SPRING1: variants seen among roughly 807,000 people sequenced by gnomAD.
SPRING1 encodes SREBF pathway regulator in golgi 1, also known as SREBP regulating gene protein.
In SPRING1, 14 loss-of-function variants were observed where a neutral mutation model predicts 24.7. That is an observed-to-expected ratio of 0.57 (90% CI 0.37 to 0.88). The LOEUF (loss-of-function observed/expected upper bound fraction) is 0.88. Ranked by LOEUF, SPRING1 falls within the 40% of genes least tolerant of loss-of-function variation. The pLI, the probability that SPRING1 is intolerant of heterozygous loss-of-function variation, is 0.00. For synonymous variants in SPRING1, 93 were observed against 106.1 expected, an observed-to-expected ratio of 0.88 and a Z score of 0.76; for missense variants, 255 against 268.4, an observed-to-expected ratio of 0.95 and a Z score of 0.35.
At chr12:116,731,166 C>T (rs1265907992) in intron 1 of SPRING1, among the ~76,000 whole-genome samples, 1 of 152,164 alleles carries the variant, frequency 6.6e-6, no homozygotes, top group African/African-American at 2.4e-5. Context: ...CTGCTTTATT[C>T]TTAAGTGAAA....
rs1870805781 is a variant in SPRING1, at chr12:116,728,402, G to A, written c.112-5179C>T. Among the ~76,000 whole-genome samples the A allele has an allele frequency of 1.3e-5, 2 of 152,076 alleles. No homozygotes were observed. Among genetic ancestry groups the A allele is most frequent in the African/African-American group, 4.8e-5 (2 of 41,408 alleles). ...GCCTGGCACACAGTTGGTGTTATTT[G>A]TTAAATAAATGCACCCAAGAAACCT... is the stretch of plus-strand genomic sequence containing the variant. On this transcript the variant is annotated intron_variant, in intron 1 of 4. Transcript: ENST00000261318. This position sits in a 1 kb window ranked among gnomAD's most constrained non-coding sequence, Gnocchi z 4.2.
At chr12:116,718,662 A>G (rs1446891793) in intron 4 of SPRING1, among the ~76,000 whole-genome samples, 4 of 152,258 alleles carry the variant, frequency 2.6e-5, no homozygotes, top group African/African-American at 9.6e-5. Context: ...CCTAAAGTAT[A>G]GTAGCTTCAC....
chr12:116,731,106 G>A (rs889196652), intron 1 of SPRING1, among the ~76,000 whole-genome samples: 19 of 152,198 alleles, frequency 1.2e-4, no homozygotes, highest in Non-Finnish European at 2.5e-4. Flanking sequence ...TCATTCTACA[G>A]GAAAGATATG....
In SPRING1 at chr12:116,713,418, G is replaced by C. The variant is rs1344935685; in HGVS notation, c.*4392C>G. On this transcript the variant is annotated 3_prime_UTR_variant, in exon 5 of 5. Coordinates refer to ENST00000261318, the MANE Select transcript of SPRING1 (RefSeq NM_024738.4). ...TTTCACCATATGTACATGATAAATG[G>C]CCAATCAAAATAAGGAATGGGGCTC... 1 of 152,174 alleles carries C rather than the reference G, an allele frequency of 6.6e-6. No individual in the cohort carries two copies. Among genetic ancestry groups the C allele is most frequent in the Admixed American group, 6.5e-5 (1 of 15,276 alleles). 9.4% of individuals were successfully genotyped at this position (152,174 alleles called of 1,614,324 possible). A position where few individuals can be genotyped will look rare whatever the true frequency, so the allele number is the denominator to read the frequency against.
In SPRING1 at chr12:116,720,053, T is replaced by C. The variant is rs918805987; in HGVS notation, c.421-177A>G. On this transcript the variant is annotated intron_variant, in intron 3 of 4. Transcript: ENST00000261318. The surrounding 1 kb of genome is among the most constrained non-coding windows in gnomAD (Gnocchi z 4.0). ...CACGTGCATGCCAAAACACCCTGGGTATCTTATTCATTAGATATGTGATTA... is the reference window on the plus strand; with the variant it reads ...CACGTGCATGCCAAAACACCCTGGGCATCTTATTCATTAGATATGTGATTA... 49 of 715,608 alleles carry C rather than the reference T, an allele frequency of 6.8e-5. No individual in the cohort carries two copies. In the East Asian group the frequency reaches 1.3e-3, roughly 19 times the overall value. The allele number at this position is 715,608 out of a possible 1,614,324, so 44.3% of individuals were successfully genotyped here. A position where few individuals can be genotyped will look rare whatever the true frequency, so the allele number is the denominator to read the frequency against.
intron 1 of SPRING1, among the ~76,000 whole-genome samples, chr12:116,736,099 A>G (rs1353325192): frequency 3.2e-5 from 3 of 94,806 alleles, no homozygotes; most frequent in African/African-American, 9.9e-5. Context: ...TTTTACCACA[A>G]TAAAAAAAAA....
In SPRING1 at chr12:116,717,986, G is replaced by A. The variant is rs1313256745; in HGVS notation, c.535-93C>T. 1.9e-5 allele frequency: 20 copies of A among 1,075,628 alleles called. No homozygotes were observed. Among genetic ancestry groups the A allele is most frequent in the Non-Finnish European group, 3.9e-6 (3 of 774,118 alleles). The allele number at this position is 1,075,628 out of a possible 1,614,324, so 66.6% of individuals were successfully genotyped here. The stretch of plus-strand genomic sequence containing the variant: ...GAGTGAGAGTGGATCGGGACTGTCA[G>A]ACTCTCCCTGCAGGGGGCTGGCCGA... On this transcript the variant is annotated intron_variant, in intron 4 of 4. Transcript: ENST00000261318. This position sits in a 1 kb window ranked among gnomAD's most constrained non-coding sequence, Gnocchi z 4.2.
intron 2 of SPRING1, 144 bp downstream of exon 2, chr12:116,722,923 G>C (rs1870499367): frequency 5.6e-6 from 6 of 1,072,850 alleles, no homozygotes; most frequent in Non-Finnish European, 5.3e-6. Context: ...GTAGGGTATA[G>C]AAGACAAAAA....
At position 116,713,213 on chromosome 12, in the gene SPRING1, CCT is replaced by C. The variant is rs1236274154; in HGVS notation, c.*4595_*4596del. 6.6e-6 allele frequency: 1 copy of C among 152,190 alleles called. No individual in the cohort carries two copies. Among genetic ancestry groups the C allele is most frequent in the African/African-American group, 2.4e-5 (1 of 41,422 alleles). The allele number at this position is 152,190 out of a possible 1,614,324, so 9.4% of individuals were successfully genotyped here. ...ATGTTCCCTGGGGGGCAAAATTGCCCCTGTTGAGCACCACTGCCCTAGATGAA... is the reference window on the plus strand; with the variant it reads ...ATGTTCCCTGGGGGGCAAAATTGCCCGTTGAGCACCACTGCCCTAGATGAA... On this transcript the variant is annotated 3_prime_UTR_variant, in exon 5 of 5. Transcript: ENST00000261318.
intron 1 of SPRING1, 152 bp downstream of exon 1, chr12:116,737,638 A>C: frequency 1.2e-6 from 1 of 815,192 alleles, no homozygotes; most frequent in Non-Finnish European, 1.7e-6. Context: ...GGAGGAAGGA[A>C]GGGAAGGGGA....
rs747401512 is a variant in SPRING1 at position 116,723,237 on chromosome 12, A to G, written c.112-14T>C. Reference sequence around the variant, plus strand: ...TGCCCTCTCCTCCTGCAAAGAAACCATAAGTGAGAAGGTTAAGTATCCAGT... The same window carrying G: ...TGCCCTCTCCTCCTGCAAAGAAACCGTAAGTGAGAAGGTTAAGTATCCAGT... On this transcript the variant is annotated splice_polypyrimidine_tract_variant and intron_variant, in intron 1 of 4. Coordinates refer to ENST00000261318, the MANE Select transcript of SPRING1 (RefSeq NM_024738.4). The G allele has an allele frequency of 4.6e-5, 75 of 1,613,952 alleles. No individual in the cohort carries two copies. The Admixed American group carries it at 7.0e-4, about 15-fold the overall frequency.
At chr12:116,737,703 G>C in intron 1 of SPRING1, 87 bp downstream of exon 1, 1 of 1,347,198 alleles carries the variant, frequency 7.4e-7, no homozygotes, top group East Asian at 3.1e-5. Flanking sequence ...AAAGGAGGAA[G>C]GTAACGAAGG....
rs1398781803 is a variant in SPRING1 at position 116,723,048 on chromosome 12, G to C, written c.268+19C>G. On this transcript the variant is annotated intron_variant, in intron 2 of 4. Transcript: ENST00000261318. ...CCTACGCTCCTGACCGCCTGGAGAG[G>C]AAGGGAAGCCAGCCTCACCGAGTTC... The C allele has an allele frequency of 6.2e-7, 1 of 1,612,212 alleles. No individual in the cohort carries two copies. The highest frequency in any genetic ancestry group is 1.1e-5 in the South Asian group (1 of 90,992).
intron 1 of SPRING1, among the ~76,000 whole-genome samples, chr12:116,733,748 T>C (rs1036424807): frequency 6.6e-6 from 1 of 152,202 alleles, no homozygotes; most frequent in South Asian, 2.1e-4. Context: ...TGTGGACAGC[T>C]GACAGTAGTA....
In SPRING1 at chr12:116,720,599, G is replaced by T; in HGVS notation, c.269-152C>A. 1 of 1,052,702 alleles carries T rather than the reference G, an allele frequency of 9.5e-7. No homozygotes were observed. The highest frequency in any genetic ancestry group is 1.4e-6 in the Non-Finnish European group (1 of 722,890). The allele number at this position is 1,052,702 out of a possible 1,614,324, so 65.2% of individuals were successfully genotyped here. ...CGGAGAGCTGGAAACTGGACATAATGTGAGTGGGGCTTACTTTCCCCAGGC... is the reference window on the plus strand; with the variant it reads ...CGGAGAGCTGGAAACTGGACATAATTTGAGTGGGGCTTACTTTCCCCAGGC... On this transcript the variant is annotated intron_variant, in intron 2 of 4. Coordinates refer to ENST00000261318, the MANE Select transcript of SPRING1 (RefSeq NM_024738.4). The surrounding 1 kb of genome is among the most constrained non-coding windows in gnomAD (Gnocchi z 4.0).
chr12:116,736,592 CTT>C (rs1871231167), intron 1 of SPRING1, among the ~76,000 whole-genome samples: 1 of 152,196 alleles, frequency 6.6e-6, no homozygotes. Flanking sequence ...TATTTACACA[CTT>C]GAGCTTTGAG....
At chr12:116,730,074 G>C (rs945764721) in intron 1 of SPRING1, among the ~76,000 whole-genome samples, 9 of 151,350 alleles carry the variant, frequency 5.9e-5, no homozygotes, top group Non-Finnish European at 1.3e-4. Context: ...CTAATTTTTT[G>C]TATTTTTAGT....
intron 2 of SPRING1, among the ~76,000 whole-genome samples, chr12:116,721,413 T>C (rs764824890): frequency 2.0e-5 from 3 of 152,206 alleles, no homozygotes; most frequent in Non-Finnish European, 2.9e-5. Context: ...GGAGACTTGC[T>C]GAAGTATAAG....
rs1414391144 is a variant in SPRING1, at chr12:116,715,206, T to C, written c.*2604A>G. On this transcript the variant is annotated 3_prime_UTR_variant, in exon 5 of 5. Transcript: ENST00000261318. ...GCCTCAGCCTTCCAAAGTGCTGGGA[T>C]TACAGGCATAAGCCACCACGCCCCA... 2 of 152,206 alleles carry C rather than the reference T, an allele frequency of 1.3e-5. No homozygotes were observed. Among genetic ancestry groups the C allele is most frequent in the Non-Finnish European group, 2.9e-5 (2 of 68,072 alleles). The allele number at this position is 152,206 out of a possible 1,614,324, so 9.4% of individuals were successfully genotyped here.
Sources: allele counts gnomAD v4.1 joint callset (sites outside exome capture counted in the v4.1 genomes callset), GRCh38; gene constraint gnomAD v4.1.1; non-coding constraint Gnocchi (gnomAD v3.1); transcripts MANE v1.5; gene names NCBI Gene and HGNC (gene_info 2026-07-23, HGNC 2026-07-21).